Variants in FOCAD observed in about 807,000 individuals in gnomAD.
The protein encoded by FOCAD is focadhesin.
A neutral mutation model predicts 225.6 loss-of-function variants in FOCAD; 198 were observed. That is an observed-to-expected ratio of 0.88 (90% CI 0.78 to 0.99). FOCAD has a LOEUF of 0.99. FOCAD is among the 50% of genes least tolerant of loss of function. The pLI, the probability that FOCAD is intolerant of heterozygous loss-of-function variation, is 0.00. For synonymous variants in FOCAD, 897 were observed against 755.0 expected, an observed-to-expected ratio of 1.19 and a Z score of -3.08; for missense variants, 2,713 against 2,123.6, an observed-to-expected ratio of 1.28 and a Z score of -5.46.
At chr9:20,670,037 G>C (rs772385197) in intron 2 of FOCAD, among the ~76,000 whole-genome samples, 12 of 152,204 alleles carry the variant, frequency 7.9e-5, no homozygotes, top group Non-Finnish European at 1.6e-4. Flanking sequence ...CAAGCCCTAT[G>C]ATGGCAGCAT....
At chr9:20,940,276 G>C (rs1836513808) in intron 28 of FOCAD, among the ~76,000 whole-genome samples, 1 of 144,296 alleles carries the variant, frequency 6.9e-6, no homozygotes, top group African/African-American at 2.5e-5. Context: ...TCCTTGTGCA[G>C]TTCTCCCTTT....
At chr9:20,688,721 C>T (rs1822803694) in intron 1 of FOCAD, among the ~76,000 whole-genome samples, 1 of 152,136 alleles carries the variant, frequency 6.6e-6, no homozygotes, top group Non-Finnish European at 1.5e-5. Context: ...AGCCTAATGA[C>T]AGTGGATGTC....
At chr9:20,721,226 C>T (rs1393278243) in intron 4 of FOCAD, among the ~76,000 whole-genome samples, 1 of 152,208 alleles carries the variant, frequency 6.6e-6, no homozygotes, top group African/African-American at 2.4e-5. Context: ...TAATTTTTGA[C>T]TACTTCAAAT....
At chr9:20,844,645 G>A (rs757979707) in intron 15 of FOCAD, among the ~76,000 whole-genome samples, 3 of 152,042 alleles carry the variant, frequency 2.0e-5, no homozygotes, top group Non-Finnish European at 4.4e-5. Context: ...ACAGGTGTGA[G>A]CCACTGTACC....
At chr9:20,845,442 G>GAGATAT (rs368497237) in intron 15 of FOCAD, among the ~76,000 whole-genome samples, 9 of 121,218 alleles carry the variant, frequency 7.4e-5, no homozygotes, top group Non-Finnish European at 1.2e-4. Context: ...TCTTTTCCTC[G>GAGATAT]ATATATATAT....
chr9:20,987,884 G>T (rs1413690425), intron 40 of FOCAD, among the ~76,000 whole-genome samples: 3 of 152,164 alleles, frequency 2.0e-5, no homozygotes. Flanking sequence ...TATAATGGCT[G>T]TATTTTGTTT....
intron 20 of FOCAD, among the ~76,000 whole-genome samples, chr9:20,884,304 AC>A (rs1199313801): frequency 6.6e-6 from 1 of 152,126 alleles, no homozygotes; most frequent in Non-Finnish European, 1.5e-5. Context: ...ATATTATATT[AC>A]GTTTATATTT....
chr9:20,860,132 C>T (rs1328105432), intron 15 of FOCAD, among the ~76,000 whole-genome samples: 2 of 152,088 alleles, frequency 1.3e-5, no homozygotes, highest in South Asian at 4.2e-4. Context: ...CACCCTTCTT[C>T]CCCTAATATT....
chr9:20,986,283 T>TTTTTTTTTTTTTTTTTTTTTTTTTTAA lies in FOCAD; in HGVS notation c.4729-5_4729-4insTTTTTTTTTTTTTTTTTTTTTTTTTAA. 1 of 1,476,882 alleles carries TTTTTTTTTTTTTTTTTTTTTTTTTTAA rather than the reference T, an allele frequency of 6.8e-7. No individual in the cohort carries two copies. The highest frequency in any genetic ancestry group is 9.0e-7 in the Non-Finnish European group (1 of 1,113,548). 91.5% of individuals were successfully genotyped at this position (1,476,882 alleles called of 1,614,324 possible). The stretch of plus-strand genomic sequence containing the variant: ...ACTAAACAATTTTTTTTTTTTTTTT[T>TTTTTTTTTTTTTTTTTTTTTTTTTTAA]GCAGAGCAACATAGAAAAAGCTGCC... On this transcript the variant is annotated splice_polypyrimidine_tract_variant and splice_region_variant and intron_variant, in intron 39 of 43. Transcript: ENST00000338382.
intron 35 of FOCAD, among the ~76,000 whole-genome samples, chr9:20,953,389 G>T (rs1031828872): frequency 2.6e-5 from 4 of 152,186 alleles, no homozygotes; most frequent in African/African-American, 9.6e-5. Flanking sequence ...GTGTGATCTA[G>T]AAAGAGAAAA....
intron 1 of FOCAD, among the ~76,000 whole-genome samples, chr9:20,711,758 T>G (rs1301216927): frequency 1.3e-5 from 2 of 152,198 alleles, no homozygotes; most frequent in Non-Finnish European, 2.9e-5. Flanking sequence ...TTTTAGAGCC[T>G]CCTAAGAGAA....
At chr9:20,676,196 G>A (rs1334135060) in intron 2 of FOCAD, among the ~76,000 whole-genome samples, 2 of 152,186 alleles carry the variant, frequency 1.3e-5, no homozygotes, top group Non-Finnish European at 2.9e-5. Flanking sequence ...TCTATTGTGT[G>A]TTTCTGACCC....
intron 19 of FOCAD, among the ~76,000 whole-genome samples, chr9:20,879,580 A>C (rs1340747954): frequency 6.6e-6 from 1 of 152,088 alleles, no homozygotes; most frequent in African/African-American, 2.4e-5. Flanking sequence ...TCAGCTGTTG[A>C]GGACATTTGG....
intron 15 of FOCAD, among the ~76,000 whole-genome samples, chr9:20,853,981 T>C (rs556350530): frequency 6.6e-6 from 1 of 151,902 alleles, no homozygotes; most frequent in East Asian, 1.9e-4. Context: ...TTTTATGAAT[T>C]GTGTGTGCTG....
chr9:20,929,870 C>G (rs767227182), intron 27 of FOCAD, among the ~76,000 whole-genome samples: 3 of 152,106 alleles, frequency 2.0e-5, no homozygotes, highest in Non-Finnish European at 4.4e-5. Flanking sequence ...GCCCCAGGTA[C>G]CTATGTGTGG....
chr9:20,675,596 A>G (rs1822208235), intron 2 of FOCAD, among the ~76,000 whole-genome samples: 1 of 152,246 alleles, frequency 6.6e-6, no homozygotes. Context: ...CACAAAAATA[A>G]CAAAAGAGTT....
rs767463473 is a variant in FOCAD, at chr9:20,764,621, G to C, written c.495-248G>C. On this transcript the variant is annotated intron_variant, in intron 6 of 43. Transcript: ENST00000338382. ...TAGTTGCTATTCTAATGTGCAAATA[G>C]AGACTGTCTTCATCCTGGGCATCTA... Among the ~76,000 whole-genome samples the C allele has an allele frequency of 5.9e-5, 9 of 152,230 alleles. No individual in the cohort carries two copies. The South Asian group carries it at 1.7e-3, about 28-fold the overall frequency.
At chr9:20,938,256 T>C (rs370901003) in intron 28 of FOCAD, among the ~76,000 whole-genome samples, 1 of 152,200 alleles carries the variant, frequency 6.6e-6, no homozygotes, top group South Asian at 2.1e-4. Flanking sequence ...TTATAAATCA[T>C]GCTGCTATAA....
chr9:20,870,095 A>G (rs908851975), intron 18 of FOCAD, among the ~76,000 whole-genome samples: 2 of 152,186 alleles, frequency 1.3e-5, no homozygotes, highest in African/African-American at 4.8e-5. Context: ...TAGGTAGAAG[A>G]TACTGACTTT....
Sources: gnomAD v4.1 joint callset for allele counts (sites outside exome capture counted in the v4.1 genomes callset) on GRCh38, gnomAD v4.1.1 for gene constraint, MANE v1.5 for transcripts, NCBI Gene and HGNC (gene_info 2026-07-23, HGNC 2026-07-21) for gene names.